RANBP17: variants seen among roughly 807,000 people sequenced by gnomAD.
The protein encoded by RANBP17 is ran-binding protein 17.
Under a neutral mutation model 141.2 loss-of-function variants are expected in RANBP17, and 158 were observed. The observed-to-expected ratio is 1.12, with a 90% confidence interval of 0.98 to 1.28. The LOEUF is 1.28. Ranked by LOEUF, RANBP17 falls within the 50% of genes most tolerant of loss-of-function variation. The pLI is 0.00. For synonymous variants in RANBP17, 430 were observed against 450.0 expected (o/e 0.96, Z 0.56); for missense variants, 1,438 against 1,290.7 (o/e 1.11, Z -1.75).
intron 14 of RANBP17, among the ~76,000 whole-genome samples, chr5:171,161,049 C>T (rs1295423459): frequency 6.6e-6 from 1 of 152,278 alleles, no homozygotes; most frequent in South Asian, 2.1e-4. Flanking sequence ...ATCTCGGCCT[C>T]CTAAAGTGCT....
At chr5:171,214,980 T>C (rs908280039) in intron 21 of RANBP17, among the ~76,000 whole-genome samples, 3 of 152,216 alleles carry the variant, frequency 2.0e-5, no homozygotes, top group South Asian at 2.1e-4. Context: ...TTGCTGCACC[T>C]ATCAACCCAA....
Position 171,172,628 on chromosome 5 carries a change from C to T in RANBP17, c.1865+1342C>T, listed in dbSNP as rs563321236. On this transcript the variant is annotated intron_variant, in intron 16 of 27. Coordinates refer to ENST00000523189, the MANE Select transcript of RANBP17 (RefSeq NM_022897.5). The stretch of plus-strand genomic sequence containing the variant: ...ACTTCCTAGTATTGCAAACTCTGGC[C>T]TTTTCACAATGAATTACTTTGAAAG... Among the ~76,000 whole-genome samples, 9 of 151,630 alleles carry T rather than the reference C, an allele frequency of 5.9e-5. No homozygotes were observed. The South Asian group carries it at 1.9e-3, about 31-fold the overall frequency.
At chr5:170,868,043 T>A (rs1581652433) in intron 1 of RANBP17, among the ~76,000 whole-genome samples, 1 of 152,200 alleles carries the variant, frequency 6.6e-6, no homozygotes, top group African/African-American at 2.4e-5. Flanking sequence ...CACGTGTGGC[T>A]TTTACTCAGC....
At chr5:171,116,913 A>G (rs1466909869) in intron 14 of RANBP17, among the ~76,000 whole-genome samples, 1 of 152,192 alleles carries the variant, frequency 6.6e-6, no homozygotes, top group African/African-American at 2.4e-5. Flanking sequence ...GAGAACATGC[A>G]GTGTTTCACT....
At chr5:171,293,124 TCTC>T (rs1768602817) in intron 25 of RANBP17, among the ~76,000 whole-genome samples, 1 of 152,136 alleles carries the variant, frequency 6.6e-6, no homozygotes, top group South Asian at 2.1e-4. Context: ...TTCCCTGACT[TCTC>T]CTCAAGGACC....
chr5:170,929,003 C>G (rs1581167732), intron 12 of RANBP17, among the ~76,000 whole-genome samples: 1 of 152,020 alleles, frequency 6.6e-6, no homozygotes, highest in African/African-American at 2.4e-5. Context: ...AAATTGTTCA[C>G]TGAGTTTATT....
chr5:171,078,906 A>G (rs915090249), intron 14 of RANBP17, among the ~76,000 whole-genome samples: 1 of 152,320 alleles, frequency 6.6e-6, no homozygotes, highest in Middle Eastern at 3.4e-3. Context: ...CAGTTTGTGG[A>G]TCAAGGAGTG....
intron 14 of RANBP17, among the ~76,000 whole-genome samples, chr5:170,988,793 C>G (rs1431077204): frequency 1.1e-4 from 16 of 151,730 alleles, no homozygotes; most frequent in Admixed American, 1.1e-3. Context: ...CATTCAGAGA[C>G]TCTGCCAGAT....
At chr5:170,884,256 C>T (rs1394105228) in intron 3 of RANBP17, among the ~76,000 whole-genome samples, 1 of 152,066 alleles carries the variant, frequency 6.6e-6, no homozygotes, top group Non-Finnish European at 1.5e-5. Flanking sequence ...TTGAACAATG[C>T]GGATATTAGG....
At chr5:171,193,604 T>C (rs1240244644) in intron 18 of RANBP17, among the ~76,000 whole-genome samples, 2 of 152,206 alleles carry the variant, frequency 1.3e-5, no homozygotes, top group African/African-American at 4.8e-5. Context: ...GGAGCTAAAA[T>C]CAAGGTGTCA....
intron 1 of RANBP17, among the ~76,000 whole-genome samples, chr5:170,862,741 C>T (rs1766917167): frequency 6.6e-6 from 1 of 152,158 alleles, no homozygotes; most frequent in Non-Finnish European, 1.5e-5. Flanking sequence ...TCGGGCTGCT[C>T]TGACATCCCC....
intron 25 of RANBP17, among the ~76,000 whole-genome samples, chr5:171,282,921 G>T (rs979794669): frequency 1.3e-5 from 2 of 152,002 alleles, no homozygotes; most frequent in Non-Finnish European, 2.9e-5. Flanking sequence ...CCCATTTCCT[G>T]CACACAAGAT....
intron 14 of RANBP17, among the ~76,000 whole-genome samples, chr5:170,973,550 T>C (rs761345546): frequency 6.6e-5 from 10 of 152,298 alleles, no homozygotes; most frequent in East Asian, 1.9e-4. Flanking sequence ...ATGTAACTTA[T>C]AGAGAATCAA....
chr5:170,893,451 C>T (rs148529230), intron 4 of RANBP17, among the ~76,000 whole-genome samples: 9 of 152,036 alleles, frequency 5.9e-5, no homozygotes, highest in Admixed American at 2.6e-4. Flanking sequence ...TTCATACAAA[C>T]GTAATTCCCA....
intron 16 of RANBP17, among the ~76,000 whole-genome samples, chr5:171,172,607 C>G (rs1760176270): frequency 1.3e-5 from 2 of 151,376 alleles, no homozygotes; most frequent in Admixed American, 6.6e-5. Flanking sequence ...ATAAGTACTT[C>G]CTAGTATTGC....
At chr5:171,241,903 A>AC (rs1764903251) in intron 23 of RANBP17, among the ~76,000 whole-genome samples, 1 of 152,192 alleles carries the variant, frequency 6.6e-6, no homozygotes, top group South Asian at 2.1e-4. Flanking sequence ...GGGATCAGGA[A>AC]ACTGCGTTTT....
At position 170,955,617 on chromosome 5, in the gene RANBP17, GTATATATA is replaced by G. The variant is rs35979849; in HGVS notation, c.1574+1931_1574+1938del. 2.0e-3 allele frequency among the ~76,000 whole-genome samples: 74 copies of G among 36,924 alleles called. 3 individuals carry two copies. Among genetic ancestry groups the G allele is most frequent in the Non-Finnish European group, 3.2e-3 (64 of 20,136 alleles). 24.2% of individuals were successfully genotyped at this position (36,924 alleles called of 152,430 possible). ...ATATATATATATATATATGCTCAGT[GTATATATA>G]TATATATATATATATGCTCAGTGTA... On this transcript the variant is annotated intron_variant, in intron 13 of 27. Coordinates refer to ENST00000523189, the MANE Select transcript of RANBP17 (RefSeq NM_022897.5).
chr5:171,254,246 C>CAAA (rs36093805), intron 24 of RANBP17, among the ~76,000 whole-genome samples: 79 of 115,060 alleles, frequency 6.9e-4, no homozygotes, highest in African/African-American at 2.7e-3. Flanking sequence ...GACTCTGTCT[C>CAAA]AAAAAAAAAA....
intron 12 of RANBP17, among the ~76,000 whole-genome samples, chr5:170,951,225 T>A (rs1437302920): frequency 6.6e-6 from 1 of 152,086 alleles, no homozygotes; most frequent in East Asian, 1.9e-4. Context: ...AAGGCAGGAT[T>A]TGAATTATTC....
Sources: gnomAD v4.1 joint callset for allele counts (sites outside exome capture counted in the v4.1 genomes callset) on GRCh38, gnomAD v4.1.1 for gene constraint, MANE v1.5 for transcripts, NCBI Gene and HGNC (gene_info 2026-07-23, HGNC 2026-07-21) for gene names.